STX3: variants seen among roughly 807,000 people sequenced by gnomAD.
The protein encoded by STX3 is syntaxin 3.
STX3 carries 19 observed loss-of-function variants against 40.2 expected under a neutral mutation model. The observed-to-expected ratio is 0.47, with a 90% CI of 0.33 to 0.69. STX3 has a LOEUF of 0.69. STX3 is among the 30% of genes least tolerant of loss of function. The pLI is 0.02. For missense variants in STX3, 364 were observed against 366.7 expected, an observed-to-expected ratio of 0.99 and a Z score of 0.06; for synonymous variants, 122 against 132.2, an observed-to-expected ratio of 0.92 and a Z score of 0.53.
At chr11:59,755,243 A>C, upstream of STX3, 1 of 180,662 alleles carries the variant, frequency 5.5e-6, no homozygotes, top group Non-Finnish European at 1.1e-5. Flanking sequence ...GGGTTAGGGA[A>C]GGGGGCTTTG....
chr11:59,790,272 G>A (rs1865046378), intron 4 of STX3, among the ~76,000 whole-genome samples: 2 of 152,226 alleles, frequency 1.3e-5, no homozygotes, highest in South Asian at 4.1e-4. Context: ...GCCAGGGCAA[G>A]GATTCAAGCC....
intron 9 of STX3, chr11:59,795,843 G>C (rs920815024): frequency 4.0e-5 from 30 of 758,122 alleles, no homozygotes; most frequent in Non-Finnish European, 6.0e-5. Flanking sequence ...CCCTCCCTCA[G>C]CTTTTCCTAG....
chr11:59,769,071 C>T (rs1863422207), intron 1 of STX3, among the ~76,000 whole-genome samples: 1 of 152,174 alleles, frequency 6.6e-6, no homozygotes, highest in South Asian at 2.1e-4. Context: ...AACAGGGACA[C>T]ATACATTTCT....
chr11:59,782,042 G>A (rs1275622704), intron 2 of STX3, among the ~76,000 whole-genome samples: 1 of 152,076 alleles, frequency 6.6e-6, no homozygotes. Context: ...GAGCTTTTTT[G>A]CTTAGCCTTC....
chr11:59,790,901 G>C (rs1312201645), intron 5 of STX3, among the ~76,000 whole-genome samples: 1 of 152,178 alleles, frequency 6.6e-6, no homozygotes, highest in Admixed American at 6.5e-5. Flanking sequence ...GTTAGTCATT[G>C]GTTGTCCAGT....
chr11:59,776,016 G>A (rs1482076401), intron 2 of STX3, among the ~76,000 whole-genome samples: 2 of 152,176 alleles, frequency 1.3e-5, no homozygotes, highest in African/African-American at 4.8e-5. Context: ...AAACTGGGGA[G>A]AAAAATATTC....
At chr11:59,798,128 T>TA (rs1451237681) in intron 10 of STX3, among the ~76,000 whole-genome samples, 1 of 152,094 alleles carries the variant, frequency 6.6e-6, no homozygotes, top group Non-Finnish European at 1.5e-5. Context: ...TGGAGAACCT[T>TA]AGAGGATAGC....
intron 1 of STX3, among the ~76,000 whole-genome samples, chr11:59,767,259 C>G (rs1317670758): frequency 6.6e-6 from 1 of 152,102 alleles, no homozygotes; most frequent in Non-Finnish European, 1.5e-5. Context: ...TGATATCTCT[C>G]ATCTCCTTGG....
chr11:59,762,009 A>T (rs537699259), intron 1 of STX3, among the ~76,000 whole-genome samples: 122 of 152,150 alleles, frequency 8.0e-4, no homozygotes, highest in African/African-American at 2.7e-3. Context: ...CCAACTCCAT[A>T]CTTTATTTGG....
Position 59,801,827 on chromosome 11 carries a change from A to C in STX3, c.*1003A>C. The C allele has an allele frequency of 1.0e-6, 1 of 985,722 alleles. No homozygotes were observed. Among genetic ancestry groups the C allele is most frequent in the Non-Finnish European group, 1.2e-6 (1 of 829,920 alleles). 61.1% of individuals were successfully genotyped at this position (985,722 alleles called of 1,614,324 possible). Reference sequence around the variant, plus strand: ...AATGGAAGCTATTATGACCTCAAAAAAAAAAAGCCAACTTTGAGCTAGGAT... The same window carrying C: ...AATGGAAGCTATTATGACCTCAAAACAAAAAAGCCAACTTTGAGCTAGGAT... On this transcript the variant is annotated 3_prime_UTR_variant, in exon 11 of 11. Transcript: ENST00000337979.
At chr11:59,791,408 AGGC>A (rs1865149520) in intron 5 of STX3, among the ~76,000 whole-genome samples, 1 of 152,224 alleles carries the variant, frequency 6.6e-6, no homozygotes, top group African/African-American at 2.4e-5. Flanking sequence ...CATTTGCTTC[AGGC>A]GGCAGTATAT....
chr11:59,793,210 G>C, intron 7 of STX3, 38 bp downstream of exon 7: 2 of 1,610,500 alleles, frequency 1.2e-6, no homozygotes, highest in Non-Finnish European at 1.7e-6. Context: ...CATCCCTCTC[G>C]TGAGCAGGGA....
chr11:59,790,642 T>A, intron 5 of STX3, 56 bp downstream of exon 5: 1 of 1,374,328 alleles, frequency 7.3e-7, no homozygotes, highest in Non-Finnish European at 1.0e-6. Flanking sequence ...TGTTTTCCCT[T>A]AACTGTGGAG....
intron 1 of STX3, among the ~76,000 whole-genome samples, chr11:59,759,482 G>A (rs1408964131): frequency 6.6e-6 from 1 of 152,206 alleles, no homozygotes; most frequent in African/African-American, 2.4e-5. Context: ...ATCACATAGG[G>A]AAGACAAAGA....
chr11:59,788,321 G>C lies in STX3; in HGVS notation c.215-552G>C, dbSNP rs557201837. 1.2e-4 allele frequency among the ~76,000 whole-genome samples: 19 copies of C among 152,278 alleles called. 1 individual carries two copies. In the South Asian group the frequency reaches 3.7e-3, roughly 30 times the overall value. ...TCTAACACCTTGCAGGAAAAATCTA[G>C]ATCTTCTTTCTGATTCCATAGTTTC... On this transcript the variant is annotated intron_variant, in intron 3 of 10. Coordinates refer to ENST00000337979, the MANE Select transcript of STX3 (RefSeq NM_004177.5).
intron 1 of STX3, among the ~76,000 whole-genome samples, chr11:59,763,209 C>T (rs1863125864): frequency 6.6e-6 from 1 of 152,170 alleles, no homozygotes; most frequent in Admixed American, 6.5e-5. Context: ...AGATGCCTCT[C>T]TGAGTTAATG....
intron 3 of STX3, among the ~76,000 whole-genome samples, chr11:59,788,502 C>G (rs1240922834): frequency 6.6e-6 from 1 of 152,162 alleles, no homozygotes; most frequent in Non-Finnish European, 1.5e-5. Flanking sequence ...TGGTTGAAAT[C>G]TATTTTCCCC....
intron 10 of STX3, among the ~76,000 whole-genome samples, chr11:59,798,105 T>C (rs2135039844): frequency 6.6e-6 from 1 of 152,304 alleles, no homozygotes; most frequent in South Asian, 2.1e-4. Flanking sequence ...CACTTATCAT[T>C]AACTATAAAG....
chr11:59,796,980 G>T (rs943737291), intron 9 of STX3, among the ~76,000 whole-genome samples: 2 of 152,174 alleles, frequency 1.3e-5, no homozygotes, highest in Non-Finnish European at 2.9e-5. Flanking sequence ...GCATGGTGGT[G>T]CATGCCTGTA....
Sources: gnomAD v4.1 joint callset for allele counts (sites outside exome capture counted in the v4.1 genomes callset) on GRCh38, gnomAD v4.1.1 for gene constraint, MANE v1.5 for transcripts, NCBI Gene and HGNC (gene_info 2026-07-23, HGNC 2026-07-21) for gene names.